ZC3HAV1L: variants seen among roughly 807,000 people sequenced by gnomAD.
ZC3HAV1L encodes the protein zinc finger CCCH-type antiviral protein 1-like.
ZC3HAV1L carries 23 observed loss-of-function variants against 28.2 expected under a neutral mutation model. The ratio of observed to expected loss-of-function variants is 0.82; its 90% confidence interval spans 0.59 to 1.16. ZC3HAV1L has a LOEUF of 1.16. ZC3HAV1L is among the 50% of genes most tolerant of loss of function. ZC3HAV1L has a pLI of 0.00. For synonymous variants in ZC3HAV1L, 180 were observed against 163.4 expected (o/e 1.10, Z -0.78); for missense variants, 376 against 387.7 (o/e 0.97, Z 0.25).
At chr7:139,029,230 T>TCACCTCAGGTGATCTGCC (rs1333245243) in intron 2 of ZC3HAV1L, among the ~76,000 whole-genome samples, 9 of 152,186 alleles carry the variant, frequency 5.9e-5, no homozygotes, top group African/African-American at 2.2e-4. Flanking sequence ...CTCCAACTCC[T>TCACCTCAGGTGATCTGCC]CACCTCAGGT....
chr7:139,026,857 T>C (rs763785027), intron 3 of ZC3HAV1L, 24 bp from the exon 4 acceptor site: 1 of 1,591,598 alleles, frequency 6.3e-7, no homozygotes, highest in South Asian at 1.1e-5. Context: ...AGGGATAAGT[T>C]TTCCTACGAT....
chr7:139,033,985 T>G, intron 2 of ZC3HAV1L: 2 of 985,464 alleles, frequency 2.0e-6, no homozygotes, highest in Non-Finnish European at 2.4e-6. Context: ...AAACAGGTTA[T>G]GCATGTCAGG....
chr7:139,024,270 T>G (rs1343055428), downstream of ZC3HAV1L, among the ~76,000 whole-genome samples: 1 of 152,102 alleles, frequency 6.6e-6, no homozygotes, highest in Admixed American at 6.5e-5. Context: ...AAGATTAAAG[T>G]AGACTATTAT....
At chr7:139,035,511 A>G in intron 1 of ZC3HAV1L, 142 bp downstream of exon 1, 1 of 1,306,600 alleles carries the variant, frequency 7.7e-7, no homozygotes, top group East Asian at 3.2e-5. Context: ...CGCCCAGGAA[A>G]GGCCTGCGGG....
At chr7:139,032,142 A>G (rs1815553012) in intron 2 of ZC3HAV1L, among the ~76,000 whole-genome samples, 1 of 152,194 alleles carries the variant, frequency 6.6e-6, no homozygotes, top group South Asian at 2.1e-4. Context: ...AACTACTTTA[A>G]TTAGTATGAT....
In ZC3HAV1L at chr7:139,026,852, T is replaced by C. The variant is rs752209975; in HGVS notation, c.761-19A>G. On this transcript the variant is annotated intron_variant, in intron 3 of 4. Coordinates refer to ENST00000275766, the MANE Select transcript of ZC3HAV1L (RefSeq NM_080660.4). Reference sequence around the variant, plus strand: ...GAATTATCTACAAAGAGGAAAGGGATAAGTTTTCCTACGATACCCCAAGTT... The same window carrying C: ...GAATTATCTACAAAGAGGAAAGGGACAAGTTTTCCTACGATACCCCAAGTT... The C allele has an allele frequency of 6.3e-7, 1 of 1,597,262 alleles. No homozygotes were observed. The highest frequency in any genetic ancestry group is 1.1e-5 in the South Asian group (1 of 88,920).
chr7:139,035,612 C>T, intron 1 of ZC3HAV1L, 41 bp downstream of exon 1: 1 of 1,356,220 alleles, frequency 7.4e-7, no homozygotes, highest in Non-Finnish European at 9.4e-7. Flanking sequence ...GCCAGGCCCG[C>T]GGCCAGCGCC....
chr7:139,028,721 G>A lies in ZC3HAV1L; in HGVS notation c.741C>T (p.His247=), dbSNP rs1444280707. The A allele has an allele frequency of 6.2e-7, 1 of 1,613,886 alleles. No homozygotes were observed. Among genetic ancestry groups the A allele is most frequent in the African/African-American group, 1.3e-5 (1 of 75,000 alleles). ...IISTYKHMKL[H]KMLENTDNSS... is the part of the protein sequence containing the mutation. The stretch of plus-strand genomic sequence containing the variant: ...TCCTACCTGTATTTTCAAGCATCTT[G>A]TGCAGCTTCATATGCTTGTAGGTGG... The change falls in exon 3 of 5, where the codon CAC becomes CAT. Residue 247 remains histidine (H), a synonymous_variant. Coordinates refer to ENST00000275766, the MANE Select transcript of ZC3HAV1L (RefSeq NM_080660.4).
chr7:139,028,718 C>T lies in ZC3HAV1L; in HGVS notation c.744G>A (p.Lys248=). 6.2e-7 allele frequency: 1 copy of T among 1,613,890 alleles called. No homozygotes were observed. The highest frequency in any genetic ancestry group is 8.5e-7 in the Non-Finnish European group (1 of 1,179,848). Residue 248 remains lysine (K), a synonymous_variant, in exon 3 of 5, where the codon AAG becomes AAA. Transcript: ENST00000275766. ...ISTYKHMKLH[K]MLENTDNSSP... ...TATTCCTACCTGTATTTTCAAGCAT[C>T]TTGTGCAGCTTCATATGCTTGTAGG...
chr7:139,032,188 C>A (rs1815554395), intron 2 of ZC3HAV1L, among the ~76,000 whole-genome samples: 1 of 151,966 alleles, frequency 6.6e-6, no homozygotes, highest in Admixed American at 6.5e-5. Flanking sequence ...GAAAATAGAT[C>A]CTACACCTAC....
At position 139,028,820 on chromosome 7, in the gene ZC3HAV1L, G is replaced by C; in HGVS notation, c.642C>G (p.Ile214Met). Residue 214 changes from isoleucine to methionine, a missense_variant, in exon 3 of 5, where the codon ATC (isoleucine) becomes ATG (methionine). Transcript: ENST00000275766. ...GTAGCAGCTTCAAAGATGCAGCATG[G>C]ATAAGCTGATGGGACCGTTTGCAGG... is the stretch of plus-strand genomic sequence containing the variant. ...LQTCKRSHQL[I>M]HAASLKLLQD... 4 of 1,614,104 alleles carry C rather than the reference G, an allele frequency of 2.5e-6. No individual in the cohort carries two copies. The highest frequency in any genetic ancestry group is 3.4e-6 in the Non-Finnish European group (4 of 1,180,022).
Position 139,035,701 on chromosome 7 carries a change from T to C in ZC3HAV1L, c.317A>G (p.His106Arg). 2 of 1,483,540 alleles carry C rather than the reference T, an allele frequency of 1.3e-6. No individual in the cohort carries two copies. The highest frequency in any genetic ancestry group is 1.8e-6 in the Non-Finnish European group (2 of 1,125,946). 91.9% of individuals were successfully genotyped at this position (1,483,540 alleles called of 1,614,324 possible). A position where few individuals can be genotyped will look rare whatever the true frequency, so the allele number is the denominator to read the frequency against. The change falls in exon 1 of 5, where the codon CAC (histidine) becomes CGC (arginine). Residue 106 changes from histidine (H) to arginine (R), a missense_variant. Physicochemically the swap from His to Arg is conservative, Grantham distance 29. Coordinates refer to ENST00000275766, the MANE Select transcript of ZC3HAV1L (RefSeq NM_080660.4). The stretch of plus-strand genomic sequence containing the variant: ...GCCCAGCATGTGCCGGCGGCAGAAG[T>C]GCAGCTGGTCGCAGGCCTGGCACTC... ...RGECQACDQL[H>R]FCRRHMLGKC...
chr7:139,030,850 T>A (rs62485889), intron 2 of ZC3HAV1L, among the ~76,000 whole-genome samples: 73,109 of 150,984 alleles, frequency 0.48, 18,187 homozygotes, highest in Non-Finnish European at 0.52. Context: ...AATTAATTAA[T>A]TAATTAAATA....
At position 139,026,702 on chromosome 7, in the gene ZC3HAV1L, G is replaced by A. The variant is rs1457077870; in HGVS notation, c.886+6C>T. On this transcript the variant is annotated splice_donor_region_variant and intron_variant, in intron 4 of 4. Transcript: ENST00000275766. ...TCTTAGTTCACTGACCCCCTTTAAG[G>A]TTTACCTGGGCAGGGCTTCTTGGCC... The A allele has an allele frequency of 6.2e-7, 1 of 1,613,974 alleles. No individual in the cohort carries two copies.
intron 2 of ZC3HAV1L, chr7:139,034,073 T>G: frequency 1.0e-6 from 1 of 985,484 alleles, no homozygotes; most frequent in South Asian, 4.7e-5. Context: ...GAGCAGCCTC[T>G]GCCACCTGCA....
intron 3 of ZC3HAV1L, among the ~76,000 whole-genome samples, chr7:139,027,042 G>C (rs953995705): frequency 1.3e-5 from 2 of 152,116 alleles, no homozygotes; most frequent in African/African-American, 4.8e-5. Context: ...TGTCACAGGA[G>C]AGACTCACCA....
intron 3 of ZC3HAV1L, among the ~76,000 whole-genome samples, chr7:139,027,672 G>A (rs1387548845): frequency 6.6e-6 from 1 of 152,108 alleles, no homozygotes; most frequent in Non-Finnish European, 1.5e-5. Context: ...GCAAGATCCT[G>A]TCTTCAAAAA....
chr7:139,030,845 ATTAAT>A (rs756595190), intron 2 of ZC3HAV1L, among the ~76,000 whole-genome samples: 1 of 151,030 alleles, frequency 6.6e-6, no homozygotes, highest in Admixed American at 6.6e-5. Context: ...TAATTAATTA[ATTAAT>A]TAATTAAATA....
chr7:139,034,154 T>TA (rs1253286320), intron 2 of ZC3HAV1L: 16 of 985,316 alleles, frequency 1.6e-5, no homozygotes, highest in Non-Finnish European at 1.9e-5. Context: ...GCATTAGAGT[T>TA]AAAATCAGGC....
Sources: allele counts gnomAD v4.1 joint callset (sites outside exome capture counted in the v4.1 genomes callset), GRCh38; gene constraint gnomAD v4.1.1; transcripts MANE v1.5; gene names NCBI Gene and HGNC (gene_info 2026-07-23, HGNC 2026-07-21).